GNG10: variants seen among roughly 807,000 people sequenced by gnomAD.
GNG10 encodes G protein subunit gamma 10, also known as guanine nucleotide-binding protein G(I)/G(S)/G(O) subunit gamma-10.
A neutral mutation model predicts 6.8 loss-of-function variants in GNG10; 7 were observed. The observed-to-expected ratio is 1.02, with a 90% confidence interval of 0.58 to 1.92. GNG10 has a LOEUF of 1.92. GNG10 is among the 30% of genes most tolerant of loss of function. GNG10 has a pLI of 0.00. For synonymous variants in GNG10, 28 were observed against 34.8 expected, an observed-to-expected ratio of 0.80 and a Z score of 0.69; for missense variants, 57 against 86.1, an observed-to-expected ratio of 0.66 and a Z score of 1.34.
At chr9:111,665,878 C>T (rs962313380) in intron 1 of GNG10, among the ~76,000 whole-genome samples, 1 of 151,216 alleles carries the variant, frequency 6.6e-6, no homozygotes, top group Non-Finnish European at 1.5e-5. Flanking sequence ...AGGTGCACGC[C>T]ACCACACCCG....
At chr9:111,663,598 G>C (rs1054347452) in intron 1 of GNG10, among the ~76,000 whole-genome samples, 2 of 152,094 alleles carry the variant, frequency 1.3e-5, no homozygotes, top group African/African-American at 2.4e-5. Context: ...CAGAGAGTAG[G>C]ATACTGGAGT....
At chr9:111,664,770 G>A (rs1830873586) in intron 1 of GNG10, among the ~76,000 whole-genome samples, 1 of 152,144 alleles carries the variant, frequency 6.6e-6, no homozygotes, top group South Asian at 2.1e-4. Context: ...CTAGAGTTCA[G>A]TTAGTCTCAT....
intron 1 of GNG10, among the ~76,000 whole-genome samples, chr9:111,663,816 A>G (rs968742917): frequency 8.0e-6 from 1 of 124,714 alleles, no homozygotes; most frequent in Non-Finnish European, 1.6e-5. Context: ...AAGAGGAAAG[A>G]TATTCTTTTT....
intron 1 of GNG10, among the ~76,000 whole-genome samples, chr9:111,662,492 C>CA (rs1285645155): frequency 6.6e-6 from 1 of 152,220 alleles, no homozygotes. Flanking sequence ...TAGGGATTTC[C>CA]AAAAACTGGG....
intron 1 of GNG10, among the ~76,000 whole-genome samples, chr9:111,663,821 CTT>C (rs5899961): frequency 9.0e-5 from 13 of 144,836 alleles, no homozygotes; most frequent in African/African-American, 7.5e-5. Context: ...GAAAGATATT[CTT>C]TTTTTTTTTT....
At chr9:111,663,786 T>C (rs560167899) in intron 1 of GNG10, among the ~76,000 whole-genome samples, 47 of 151,584 alleles carry the variant, frequency 3.1e-4, no homozygotes, top group South Asian at 1.7e-3. Context: ...GATGCCTGTC[T>C]ACCCGCCAAG....
At chr9:111,665,187 TTGTACAATA>T (rs2131280652) in intron 1 of GNG10, among the ~76,000 whole-genome samples, 1 of 152,242 alleles carries the variant, frequency 6.6e-6, no homozygotes, top group Admixed American at 6.5e-5. Flanking sequence ...GGAACCATTT[TTGTACAATA>T]TGGGTGAATT....
chr9:111,666,194 A>G (rs924428612), intron 1 of GNG10, among the ~76,000 whole-genome samples: 4 of 152,202 alleles, frequency 2.6e-5, no homozygotes, highest in Non-Finnish European at 5.9e-5. Context: ...TAATTGTTAC[A>G]GCAACCCAGA....
Position 111,661,857 on chromosome 9 carries a change from C to T in GNG10, c.81+142C>T, listed in dbSNP as rs1356701554. 9.6e-6 allele frequency: 3 copies of T among 314,068 alleles called. No individual in the cohort carries two copies. The highest frequency in any genetic ancestry group is 1.6e-5 in the Non-Finnish European group (3 of 191,242). 19.5% of individuals were successfully genotyped at this position (314,068 alleles called of 1,614,324 possible). ...CGGGGCGCGGGGGCGGTGGGGTCCG[C>T]GGTGAGGGAGGGCGCGGGGCAAGCC... On this transcript the variant is annotated intron_variant, in intron 1 of 2. Coordinates refer to ENST00000374293, the MANE Select transcript of GNG10 (RefSeq NM_001017998.4). This position sits in a 1 kb window ranked among gnomAD's most constrained non-coding sequence, Gnocchi z 6.1.
In GNG10 at chr9:111,669,443, G is replaced by A. The variant is rs984814655; in HGVS notation, c.*181G>A. On this transcript the variant is annotated 3_prime_UTR_variant, in exon 3 of 3. Coordinates refer to ENST00000374293, the MANE Select transcript of GNG10 (RefSeq NM_001017998.4). ...GAGTTTCTACTTGAGTGAGAAAACT[G>A]GGTGAAGGAATAGAATTTTAAATAG... is the stretch of plus-strand genomic sequence containing the variant. 1.3e-5 allele frequency: 2 copies of A among 151,844 alleles called. No homozygotes were observed. The highest frequency in any genetic ancestry group is 2.4e-5 in the African/African-American group (1 of 41,324). 9.4% of individuals were successfully genotyped at this position (151,844 alleles called of 1,614,324 possible).
chr9:111,662,235 G>C (rs1830833259), intron 1 of GNG10, among the ~76,000 whole-genome samples: 1 of 152,126 alleles, frequency 6.6e-6, no homozygotes, highest in African/African-American at 2.4e-5. Flanking sequence ...GGGGACTCCG[G>C]GGAGTCATCC....
intron 2 of GNG10, among the ~76,000 whole-genome samples, chr9:111,668,146 C>T (rs1367570679): frequency 6.6e-6 from 1 of 152,154 alleles, no homozygotes; most frequent in East Asian, 1.9e-4. Context: ...GCTGGGATTA[C>T]AGGCGTGACA....
intron 1 of GNG10, among the ~76,000 whole-genome samples, chr9:111,664,255 A>T (rs1488580986): frequency 6.6e-6 from 1 of 152,134 alleles, no homozygotes; most frequent in Non-Finnish European, 1.5e-5. Context: ...CCTATTTAAG[A>T]GGTGCGCTCA....
At chr9:111,667,932 C>T (rs1027366022) in intron 2 of GNG10, among the ~76,000 whole-genome samples, 2 of 152,160 alleles carry the variant, frequency 1.3e-5, no homozygotes, top group African/African-American at 4.8e-5. Context: ...TCTTGGCTCA[C>T]TGCATCCTCT....
intron 1 of GNG10, among the ~76,000 whole-genome samples, chr9:111,663,222 G>A (rs1830852177): frequency 6.6e-6 from 1 of 152,190 alleles, no homozygotes; most frequent in African/African-American, 2.4e-5. Flanking sequence ...CAGATGCGCT[G>A]TGACTGAAGA....
chr9:111,667,431 T>C (rs1273508286), intron 2 of GNG10, among the ~76,000 whole-genome samples: 2 of 152,042 alleles, frequency 1.3e-5, no homozygotes, highest in African/African-American at 4.8e-5. Context: ...GGTTTCACCA[T>C]ATTGGTCAGG....
chr9:111,664,204 C>T (rs1830866772), intron 1 of GNG10, among the ~76,000 whole-genome samples: 1 of 152,064 alleles, frequency 6.6e-6, no homozygotes, highest in African/African-American at 2.4e-5. Flanking sequence ...AGGTGAATTG[C>T]CTGAGCTCGC....
chr9:111,664,526 C>G (rs561619848), intron 1 of GNG10, among the ~76,000 whole-genome samples: 2 of 152,266 alleles, frequency 1.3e-5, no homozygotes, highest in Admixed American at 6.5e-5. Context: ...TTTAGAGGAG[C>G]CTCACAGAAG....
Position 111,661,887 on chromosome 9 carries a change from G to A in GNG10, c.81+172G>A, listed in dbSNP as rs1483870360. The stretch of plus-strand genomic sequence containing the variant: ...AGGGAGGGCGCGGGGCAAGCCGGGG[G>A]CCCGGGCCTGACGGGAGGAAGCCGC... On this transcript the variant is annotated intron_variant, in intron 1 of 2. Coordinates refer to ENST00000374293, the MANE Select transcript of GNG10 (RefSeq NM_001017998.4). This position sits in a 1 kb window ranked among gnomAD's most constrained non-coding sequence, Gnocchi z 6.1. Among the ~76,000 whole-genome samples the A allele has an allele frequency of 6.6e-6, 1 of 151,416 alleles. No homozygotes were observed. The highest frequency in any genetic ancestry group is 1.5e-5 in the Non-Finnish European group (1 of 67,826).
Sources: gnomAD v4.1 joint callset for allele counts (sites outside exome capture counted in the v4.1 genomes callset) on GRCh38, gnomAD v4.1.1 for gene constraint, Gnocchi (gnomAD v3.1) non-coding constraint, MANE v1.5 for transcripts, NCBI Gene and HGNC (gene_info 2026-07-23, HGNC 2026-07-21) for gene names.